Variants in HNRNPA1L2 observed in about 807,000 individuals in gnomAD.
HNRNPA1L2 encodes the protein heterogeneous nuclear ribonucleoprotein A1 like 2.
HNRNPA1L2 carries 10 observed loss-of-function variants against 18.2 expected under a neutral mutation model. The ratio of observed to expected loss-of-function variants is 0.55; its 90% CI spans 0.34 to 0.93. The LOEUF is 0.93. Among genes scored for constraint, HNRNPA1L2 ranks in the 40% least tolerant of loss-of-function variants. HNRNPA1L2 has a pLI of 0.02. For missense variants in HNRNPA1L2, 308 were observed against 394.4 expected (o/e 0.78, Z 1.85); for synonymous variants, 124 against 138.6 (o/e 0.89, Z 0.74).
At chr13:52,634,132 A>T in the HNRNPA1L2 span, among the ~76,000 whole-genome samples, 1 of 152,126 alleles carries the variant, frequency 6.6e-6, no homozygotes, top group Admixed American at 6.6e-5. Context: ...TAAAAGAACA[A>T]CCCCCTGTAT....
chr13:52,629,041 A>T, the HNRNPA1L2 span, among the ~76,000 whole-genome samples: 1 of 152,066 alleles, frequency 6.6e-6, no homozygotes, highest in African/African-American at 2.4e-5. Flanking sequence ...GTGCCCAGCT[A>T]ATTTTGTACT....
chr13:52,637,815 T>G (rs1961512517), upstream of HNRNPA1L2, among the ~76,000 whole-genome samples: 1 of 152,196 alleles, frequency 6.6e-6, no homozygotes, highest in African/African-American at 2.4e-5. Context: ...CATCATGCCT[T>G]TATGTTGTTT....
the HNRNPA1L2 span, among the ~76,000 whole-genome samples, chr13:52,619,709 A>G: frequency 6.6e-5 from 10 of 151,920 alleles, no homozygotes; most frequent in Non-Finnish European, 8.8e-5. Context: ...ATCACAAGGT[A>G]AGGAGATCCA....
At chr13:52,625,260 G>T in the HNRNPA1L2 span, among the ~76,000 whole-genome samples, 1 of 151,840 alleles carries the variant, frequency 6.6e-6, no homozygotes, top group Non-Finnish European at 1.5e-5. Context: ...GATTACAGGT[G>T]CACTCCACAA....
At chr13:52,635,575 A>AACACACAC in the HNRNPA1L2 span, among the ~76,000 whole-genome samples, 111 of 143,370 alleles carry the variant, frequency 7.7e-4, 1 homozygote, top group Middle Eastern at 7.0e-3. Flanking sequence ...GTCCTTTTGC[A>AACACACAC]ACACACACAC....
chr13:52,626,198 T>C, the HNRNPA1L2 span, among the ~76,000 whole-genome samples: 1 of 152,134 alleles, frequency 6.6e-6, no homozygotes, highest in Admixed American at 6.5e-5. Context: ...GAGCTTTAAT[T>C]TGAATATTAG....
the HNRNPA1L2 span, among the ~76,000 whole-genome samples, chr13:52,625,457 T>C: frequency 2.0e-5 from 3 of 152,334 alleles, no homozygotes; most frequent in East Asian, 5.8e-4. Context: ...TTAAAATCTA[T>C]GAAGAAAGAT....
the HNRNPA1L2 span, chr13:52,617,550 T>C: frequency 1.6e-5 from 7 of 431,698 alleles, no homozygotes; most frequent in East Asian, 2.4e-4. Flanking sequence ...TGGCTTTATG[T>C]CTCCGCGGTG....
chr13:52,626,726 A>G, the HNRNPA1L2 span, among the ~76,000 whole-genome samples: 4 of 151,840 alleles, frequency 2.6e-5, no homozygotes, highest in Admixed American at 6.6e-5. Flanking sequence ...ATTTACATAC[A>G]TTAAAGTGTA....
At chr13:52,627,857 A>C in the HNRNPA1L2 span, among the ~76,000 whole-genome samples, 2 of 152,192 alleles carry the variant, frequency 1.3e-5, no homozygotes, top group African/African-American at 4.8e-5. Flanking sequence ...ATGTTATTAA[A>C]AATAACAGAA....
chr13:52,632,148 G>A, the HNRNPA1L2 span, among the ~76,000 whole-genome samples: 1 of 152,228 alleles, frequency 6.6e-6, no homozygotes, highest in African/African-American at 2.4e-5. Context: ...ATATAAAAGG[G>A]AACAAATAAA....
chr13:52,618,938 G>A, the HNRNPA1L2 span, among the ~76,000 whole-genome samples: 1 of 152,180 alleles, frequency 6.6e-6, no homozygotes, highest in African/African-American at 2.4e-5. Flanking sequence ...AGGAAACATT[G>A]TAGTAAAGAT....
chr13:52,636,762 G>A, the HNRNPA1L2 span, among the ~76,000 whole-genome samples: 1 of 152,182 alleles, frequency 6.6e-6, no homozygotes, highest in Non-Finnish European at 1.5e-5. Flanking sequence ...TCCAGTAGAA[G>A]GGGTAGTGAT....
the HNRNPA1L2 span, among the ~76,000 whole-genome samples, chr13:52,635,773 A>G: frequency 6.6e-6 from 1 of 151,404 alleles, no homozygotes; most frequent in African/African-American, 2.4e-5. Flanking sequence ...ATGCTGTAAC[A>G]TGTACTAGTA....
At chr13:52,624,775 A>T in the HNRNPA1L2 span, among the ~76,000 whole-genome samples, 1 of 152,212 alleles carries the variant, frequency 6.6e-6, no homozygotes, top group African/African-American at 2.4e-5. Flanking sequence ...CATGCCTGTA[A>T]TCCCAGCACT....
the HNRNPA1L2 span, among the ~76,000 whole-genome samples, chr13:52,621,490 T>A: frequency 6.6e-6 from 1 of 152,216 alleles, no homozygotes; most frequent in Non-Finnish European, 1.5e-5. Flanking sequence ...GTCAGTCAGA[T>A]CTGGGTTTGA....
At chr13:52,632,595 C>T in the HNRNPA1L2 span, 1 of 152,818 alleles carries the variant, frequency 6.5e-6, no homozygotes, top group South Asian at 2.1e-4. Context: ...TTAATATTCC[C>T]TCCTGTCATT....
chr13:52,623,648 T>A, the HNRNPA1L2 span, among the ~76,000 whole-genome samples: 1 of 152,154 alleles, frequency 6.6e-6, no homozygotes, highest in East Asian at 1.9e-4. Flanking sequence ...CCAGGATGCA[T>A]GGGATTAGAT....
chr13:52,631,643 C>T, the HNRNPA1L2 span, among the ~76,000 whole-genome samples: 1,642 of 152,060 alleles, frequency 0.011, 30 homozygotes, highest in African/African-American at 0.037. Context: ...TCATTTTTTC[C>T]GGTTCTATTT....
Sources: allele counts gnomAD v4.1 joint callset (sites outside exome capture counted in the v4.1 genomes callset), GRCh38; gene constraint gnomAD v4.1.1; transcripts MANE v1.5; gene names NCBI Gene and HGNC (gene_info 2026-07-23, HGNC 2026-07-21).